NR6A1: variants seen among roughly 807,000 people sequenced by gnomAD.
NR6A1 encodes nuclear receptor subfamily 6 group A member 1.
NR6A1 carries 7 observed loss-of-function variants against 59.1 expected under a neutral mutation model. The ratio of observed to expected loss-of-function variants is 0.12; its 90% CI spans 0.07 to 0.22. The LOEUF (loss-of-function observed/expected upper bound fraction) is 0.22. NR6A1 is among the 10% of genes least tolerant of loss of function. NR6A1 has a pLI of 1.00. For missense variants in NR6A1, 468 were observed against 611.6 expected (o/e 0.77, Z 2.48); for synonymous variants, 243 against 236.1 (o/e 1.03, Z -0.27).
intron 2 of NR6A1, among the ~76,000 whole-genome samples, chr9:124,694,913 A>G (rs1838693679): frequency 6.6e-6 from 1 of 152,240 alleles, no homozygotes; most frequent in East Asian, 1.9e-4. Context: ...GAGTTCAGAG[A>G]AAATATCAGG....
At chr9:124,702,068 G>A (rs747151553) in intron 2 of NR6A1, among the ~76,000 whole-genome samples, 2 of 152,134 alleles carry the variant, frequency 1.3e-5, no homozygotes, top group Non-Finnish European at 2.9e-5. Flanking sequence ...ACAATCTGAA[G>A]TTTTCCCATT....
intron 3 of NR6A1, among the ~76,000 whole-genome samples, chr9:124,549,666 G>A (rs1220929733): frequency 6.6e-6 from 1 of 152,140 alleles, no homozygotes; most frequent in Non-Finnish European, 1.5e-5. Context: ...GCCACAAATG[G>A]CAGCTGCATT....
intron 1 of NR6A1, among the ~76,000 whole-genome samples, chr9:124,738,041 G>A (rs1253098837): frequency 3.9e-5 from 6 of 152,058 alleles, no homozygotes; most frequent in Admixed American, 2.0e-4. Context: ...AGATCACGAG[G>A]CCAGGAGTTC....
chr9:124,588,963 G>T (rs1835022386), intron 2 of NR6A1, among the ~76,000 whole-genome samples: 1 of 150,826 alleles, frequency 6.6e-6, no homozygotes, highest in African/African-American at 2.4e-5. Context: ...ATAATGTGAT[G>T]GTCAGTTTCT....
intron 2 of NR6A1, among the ~76,000 whole-genome samples, chr9:124,675,263 T>G (rs1837919867): frequency 6.6e-6 from 1 of 152,250 alleles, no homozygotes; most frequent in Non-Finnish European, 1.5e-5. Flanking sequence ...AACAAAATAC[T>G]AAATTGTATA....
chr9:124,649,663 G>A (rs79740747), intron 2 of NR6A1, among the ~76,000 whole-genome samples: 1 of 152,028 alleles, frequency 6.6e-6, no homozygotes. Flanking sequence ...ACAAAATAAA[G>A]AGATAACCTA....
At position 124,624,926 on chromosome 9, in the gene NR6A1, T is replaced by TTTTTC. The variant is rs1327084576; in HGVS notation, c.143-70357_143-70356insGAAAA. Among the ~76,000 whole-genome samples the TTTTTC allele has an allele frequency of 5.5e-4, 84 of 151,788 alleles. No homozygotes were observed. In the South Asian group the frequency reaches 0.017, roughly 31 times the overall value. Reference sequence around the variant, plus strand: ...GTTGCTAGCTTGTTTTTTTTTTTTTTTTTCTACCAACCTCAGGGCATCATT... The same window carrying TTTTTC: ...GTTGCTAGCTTGTTTTTTTTTTTTTTTTTTCTTTCTACCAACCTCAGGGCATCATT... On this transcript the variant is annotated intron_variant, in intron 2 of 9. Transcript: ENST00000487099.
intron 1 of NR6A1, among the ~76,000 whole-genome samples, chr9:124,760,360 G>A (rs540439406): frequency 9.2e-5 from 14 of 152,058 alleles, no homozygotes; most frequent in Middle Eastern, 3.4e-3. Context: ...GCCAGCATGA[G>A]AGAAAAGAAA....
intron 7 of NR6A1, among the ~76,000 whole-genome samples, chr9:124,534,217 C>A (rs1261250867): frequency 6.6e-6 from 1 of 152,020 alleles, no homozygotes; most frequent in Non-Finnish European, 1.5e-5. Context: ...GGATTACAGG[C>A]ATGCGCCACC....
chr9:124,616,440 T>C lies in NR6A1; in HGVS notation c.143-61870A>G, dbSNP rs371950903. ...AAAAAAAGAAAAGAACTAGAACTAA[T>C]CACAATCCCACAACCACATAAACAA... is the stretch of plus-strand genomic sequence containing the variant. On this transcript the variant is annotated intron_variant, in intron 2 of 9. Coordinates refer to ENST00000487099, the MANE Select transcript of NR6A1 (RefSeq NM_033334.4). 1.8e-3 allele frequency among the ~76,000 whole-genome samples: 263 copies of C among 145,288 alleles called. 1 individual carries two copies. Among genetic ancestry groups the C allele is most frequent in the African/African-American group, 6.4e-3 (253 of 39,732 alleles).
intron 2 of NR6A1, among the ~76,000 whole-genome samples, chr9:124,629,023 C>A (rs757629274): frequency 6.6e-6 from 1 of 152,224 alleles, no homozygotes; most frequent in African/African-American, 2.4e-5. Flanking sequence ...GCAAGTGACA[C>A]GTCAAGCCAA....
At chr9:124,550,528 AT>A (rs748627702) in intron 3 of NR6A1, among the ~76,000 whole-genome samples, 11 of 145,486 alleles carry the variant, frequency 7.6e-5, no homozygotes, top group East Asian at 2.0e-4. Flanking sequence ...TAATTTTTGT[AT>A]TTTTTTTTTG....
intron 1 of NR6A1, among the ~76,000 whole-genome samples, chr9:124,743,138 G>A (rs1242944896): frequency 1.3e-5 from 2 of 152,216 alleles, no homozygotes; most frequent in African/African-American, 2.4e-5. Flanking sequence ...TCTGCAGCCT[G>A]CAAGCAGCTC....
intron 2 of NR6A1, among the ~76,000 whole-genome samples, chr9:124,590,371 A>G (rs1287206815): frequency 2.0e-5 from 3 of 151,776 alleles, no homozygotes; most frequent in Non-Finnish European, 2.9e-5. Context: ...AAAAGCAAAA[A>G]CCCTCAAAGA....
intron 2 of NR6A1, among the ~76,000 whole-genome samples, chr9:124,566,540 G>C (rs766097830): frequency 9.9e-5 from 15 of 152,202 alleles, no homozygotes; most frequent in Non-Finnish European, 2.2e-4. Flanking sequence ...ATCTTACGGA[G>C]GAATGGTGGG....
At chr9:124,755,565 C>T (rs1840610911) in intron 1 of NR6A1, among the ~76,000 whole-genome samples, 1 of 152,176 alleles carries the variant, frequency 6.6e-6, no homozygotes, top group Admixed American at 6.5e-5. Flanking sequence ...TCTTATCTGA[C>T]CTACTGACAC....
At chr9:124,611,570 C>A (rs1471911012) in intron 2 of NR6A1, among the ~76,000 whole-genome samples, 2 of 151,900 alleles carry the variant, frequency 1.3e-5, no homozygotes, top group African/African-American at 4.8e-5. Flanking sequence ...ACACTCACTT[C>A]TACAAAATTA....
chr9:124,538,026 G>A (rs191134634), intron 6 of NR6A1, 66 bp downstream of exon 6: 16 of 1,341,296 alleles, frequency 1.2e-5, no homozygotes, highest in African/African-American at 4.4e-5. Context: ...AGCCAGGGAC[G>A]CGAGTGGGTG....
At chr9:124,556,150 T>C (rs954260345) in intron 2 of NR6A1, among the ~76,000 whole-genome samples, 3 of 152,182 alleles carry the variant, frequency 2.0e-5, no homozygotes, top group Non-Finnish European at 4.4e-5. Context: ...AAAAGGGTAT[T>C]TGTAGATGTG....
Sources: gnomAD v4.1 joint callset for allele counts (sites outside exome capture counted in the v4.1 genomes callset) on GRCh38, gnomAD v4.1.1 for gene constraint, MANE v1.5 for transcripts, NCBI Gene and HGNC (gene_info 2026-07-23, HGNC 2026-07-21) for gene names.